The following ARID1A variants were observed in gnomAD, a reference collection of about 807,000 sequenced individuals.
The protein encoded by ARID1A is AT-rich interactive domain-containing protein 1A.
A neutral mutation model predicts 212.6 loss-of-function variants in ARID1A; 20 were observed. The observed-to-expected ratio is 0.09, with a 90% confidence interval of 0.07 to 0.14. The LOEUF is 0.14. Among genes scored for constraint, ARID1A ranks in the 10% least tolerant of loss-of-function variants. The pLI is 1.00. For synonymous variants in ARID1A, 1,376 were observed against 1,222.1 expected, an observed-to-expected ratio of 1.13 and a Z score of -2.63; for missense variants, 2,587 against 3,059.0, an observed-to-expected ratio of 0.85 and a Z score of 3.64.
At chr1:26,770,947 G>C (rs2124094559) in intron 11 of ARID1A, 172 bp from the exon 12 acceptor site, 1 of 620,822 alleles carries the variant, frequency 1.6e-6, no homozygotes, top group South Asian at 2.0e-5. Context: ...GAAGCCAGCT[G>C]CAGATTTAAC....
rs1225634220 is a variant in ARID1A, at chr1:26,731,571, T to A, written c.1770T>A (p.Thr590=). ...PQPQSQQSQQ[T]AYSQQRFPPP... ...CCCAGTCTCAGCAGTCCCAGCAAACTGCCTATTCCCAGCAGCGCTTCCCTC... is the reference window on the plus strand; with the variant it reads ...CCCAGTCTCAGCAGTCCCAGCAAACAGCCTATTCCCAGCAGCGCTTCCCTC... The change falls in exon 3 of 20, where the codon ACT becomes ACA. Residue 590 remains threonine (T), a synonymous_variant. Coordinates refer to ENST00000324856, the MANE Select transcript of ARID1A (RefSeq NM_006015.6). 6.2e-7 allele frequency: 1 copy of A among 1,614,074 alleles called. No homozygotes were observed.
chr1:26,742,877 G>C (rs2080801186), intron 4 of ARID1A, among the ~76,000 whole-genome samples: 1 of 152,154 alleles, frequency 6.6e-6, no homozygotes, highest in Admixed American at 6.5e-5. Context: ...AGCTGAGGCA[G>C]GAGAATCCCT....
intron 1 of ARID1A, among the ~76,000 whole-genome samples, chr1:26,718,590 A>G (rs536664113): frequency 6.6e-6 from 1 of 152,326 alleles, no homozygotes; most frequent in East Asian, 1.9e-4. Flanking sequence ...TTGCATATAA[A>G]CCATTAATAC....
At chr1:26,709,834 A>G (rs567117355) in intron 1 of ARID1A, among the ~76,000 whole-genome samples, 129 of 148,878 alleles carry the variant, frequency 8.7e-4, no homozygotes, top group Non-Finnish European at 1.4e-3. Context: ...TAGCTTGCTT[A>G]CTTTTTTTTT....
chr1:26,751,218 G>A (rs951196834), intron 4 of ARID1A, among the ~76,000 whole-genome samples: 5 of 151,930 alleles, frequency 3.3e-5, no homozygotes, highest in Non-Finnish European at 5.9e-5. Flanking sequence ...TTGCACCACT[G>A]CACTCCAGCC....
chr1:26,774,303 T>C lies in ARID1A; in HGVS notation c.4102-26T>C. On this transcript the variant is annotated intron_variant, in intron 17 of 19. Coordinates refer to ENST00000324856, the MANE Select transcript of ARID1A (RefSeq NM_006015.6). This position sits in a 1 kb window ranked among gnomAD's most constrained non-coding sequence, Gnocchi z 5.6. ...ATGTCCCTGAGTGCAGAGTATTAAC[T>C]TCCCCTCTGCTTGTCTCTGCCTTAG... is the stretch of plus-strand genomic sequence containing the variant. 1 of 1,521,596 alleles carries C rather than the reference T, an allele frequency of 6.6e-7. No homozygotes were observed. Among genetic ancestry groups the C allele is most frequent in the Non-Finnish European group, 8.8e-7 (1 of 1,134,834 alleles). 94.3% of individuals were successfully genotyped at this position (1,521,596 alleles called of 1,614,324 possible).
chr1:26,733,380 A>G (rs1180742380), intron 4 of ARID1A, among the ~76,000 whole-genome samples: 2 of 152,212 alleles, frequency 1.3e-5, no homozygotes, highest in Middle Eastern at 3.4e-3. Context: ...GTGATTAAGA[A>G]CTTGGGCTCT....
rs2124741449 is a variant in ARID1A, at chr1:26,696,754, C to T, written c.351C>T (p.Leu117=). Residue 117 remains leucine (L), a synonymous_variant, in exon 1 of 20, where the codon CTC becomes CTT. Transcript: ENST00000324856. The part of the protein sequence containing the change: ...AGPRPALNNN[L]TEPPGGGGGG... ...CTAGGCCCGCCCTGAACAATAACCTCACGGAGCCGCCCGGCGGCGGCGGTG... is the reference window on the plus strand; with the variant it reads ...CTAGGCCCGCCCTGAACAATAACCTTACGGAGCCGCCCGGCGGCGGCGGTG... 2 of 1,361,918 alleles carry T rather than the reference C, an allele frequency of 1.5e-6. No homozygotes were observed. The highest frequency in any genetic ancestry group is 1.8e-5 in the South Asian group (1 of 54,486). The allele number at this position is 1,361,918 out of a possible 1,614,324, so 84.4% of individuals were successfully genotyped here.
chr1:26,731,657 G>T, intron 3 of ARID1A, 53 bp downstream of exon 3: 6 of 1,576,976 alleles, frequency 3.8e-6, no homozygotes, highest in Non-Finnish European at 5.2e-6. Flanking sequence ...AGACAGCTTG[G>T]GGGTTAGTGT....
At chr1:26,775,349 T>C (rs1274759400) in intron 18 of ARID1A, 129 bp downstream of exon 18, 3 of 1,438,022 alleles carry the variant, frequency 2.1e-6, no homozygotes, top group Admixed American at 2.8e-5. Flanking sequence ...CCAAAGAACT[T>C]TGGAAAAGGA....
At chr1:26,749,648 G>A (rs532664755) in intron 4 of ARID1A, among the ~76,000 whole-genome samples, 3 of 152,172 alleles carry the variant, frequency 2.0e-5, no homozygotes, top group South Asian at 4.2e-4. Context: ...GCAGAGGTGG[G>A]TTAGAACAGC....
At chr1:26,730,594 A>AT (rs2080665890) in intron 2 of ARID1A, among the ~76,000 whole-genome samples, 2 of 151,972 alleles carry the variant, frequency 1.3e-5, no homozygotes, top group East Asian at 1.9e-4. Flanking sequence ...TATTTTTTTT[A>AT]TTTTTTTGCC....
chr1:26,758,919 C>T (rs1021927769), intron 4 of ARID1A, among the ~76,000 whole-genome samples: 5 of 152,208 alleles, frequency 3.3e-5, no homozygotes, highest in Non-Finnish European at 5.9e-5. Flanking sequence ...TACCTACCTG[C>T]CTTCAGAGCA....
intron 2 of ARID1A, 132 bp from the exon 3 acceptor site, chr1:26,731,020 T>C: frequency 6.8e-6 from 7 of 1,025,798 alleles, no homozygotes; most frequent in Non-Finnish European, 1.0e-5. Flanking sequence ...AGAAAAACCC[T>C]GGGCCTCCTA....
intron 1 of ARID1A, among the ~76,000 whole-genome samples, chr1:26,707,491 GC>G (rs1448531898): frequency 5.3e-5 from 8 of 151,902 alleles, no homozygotes; most frequent in Non-Finnish European, 1.5e-5. Context: ...ACAGGCATAA[GC>G]CACCACGCCC....
intron 11 of ARID1A, chr1:26,769,040 C>T (rs2081062490): frequency 6.6e-6 from 1 of 152,218 alleles, no homozygotes; most frequent in Non-Finnish European, 1.5e-5. Context: ...GAAAACAAAA[C>T]AAAATAAGAC....
At chr1:26,770,749 T>C (rs1032697568) in intron 11 of ARID1A, 10 of 207,894 alleles carry the variant, frequency 4.8e-5, no homozygotes, top group Non-Finnish European at 8.8e-5. Flanking sequence ...CAGAGCGAGA[T>C]TTATTTTTTC....
intron 4 of ARID1A, among the ~76,000 whole-genome samples, chr1:26,736,920 A>C (rs1302679069): frequency 2.0e-5 from 3 of 151,572 alleles, no homozygotes; most frequent in South Asian, 4.2e-4. Context: ...AAAAAAAAAA[A>C]AACCCTGCAC....
At chr1:26,768,386 C>G (rs2081056859) in intron 11 of ARID1A, among the ~76,000 whole-genome samples, 1 of 152,144 alleles carries the variant, frequency 6.6e-6, no homozygotes, top group South Asian at 2.1e-4. Flanking sequence ...AGGTGTGTAA[C>G]CACTCTGAAC....
Sources: allele counts gnomAD v4.1 joint callset (sites outside exome capture counted in the v4.1 genomes callset), GRCh38; gene constraint gnomAD v4.1.1; non-coding constraint Gnocchi (gnomAD v3.1); transcripts MANE v1.5; gene names NCBI Gene and HGNC (gene_info 2026-07-23, HGNC 2026-07-21).